The following NHSL2 variants were observed in gnomAD, a reference collection of about 807,000 sequenced individuals.
The protein encoded by NHSL2 is NHS like 2.
A neutral mutation model predicts 53.4 loss-of-function variants in NHSL2; 27 were observed. The ratio of observed to expected loss-of-function variants is 0.51; its 90% CI spans 0.37 to 0.70. NHSL2 has a LOEUF of 0.70. Among genes scored for constraint, NHSL2 ranks in the 30% least tolerant of loss-of-function variants. NHSL2 has a pLI of 0.00. For synonymous variants in NHSL2, 408 were observed against 404.1 expected (o/e 1.01, Z -0.12); for missense variants, 892 against 980.1 (o/e 0.91, Z 1.20).
At chrX:72,067,449 G>C (rs906956831) in intron 1 of NHSL2, among the ~76,000 whole-genome samples, 4 of 111,410 alleles carry the variant, frequency 3.6e-5, no homozygotes, top group Non-Finnish European at 7.5e-5. Context: ...AGTTGTCATG[G>C]TCCTGTCTTT....
intron 1 of NHSL2, among the ~76,000 whole-genome samples, chrX:72,076,234 AAC>A (rs2041741965): frequency 9.0e-6 from 1 of 111,304 alleles, no homozygotes; most frequent in Non-Finnish European, 1.9e-5. Flanking sequence ...AGCCCAGCCG[AAC>A]ACAGTGTATA....
At chrX:71,978,701 G>A (rs1337511918) in intron 1 of NHSL2, among the ~76,000 whole-genome samples, 6 of 59,196 alleles carry the variant, frequency 1.0e-4, no homozygotes, top group African/African-American at 3.8e-4. Context: ...TTTTTTTTTT[G>A]AGATGAAATC....
At chrX:71,916,235 T>C (rs2041627399) in intron 1 of NHSL2, among the ~76,000 whole-genome samples, 1 of 111,865 alleles carries the variant, frequency 8.9e-6, no homozygotes, top group South Asian at 3.8e-4. Context: ...TAGTAGAGGC[T>C]GGTTGGCATT....
In NHSL2 at chrX:72,002,335, A is replaced by C. The variant is rs746531556; in HGVS notation, c.280+90968A>C. 1.4e-4 allele frequency among the ~76,000 whole-genome samples: 16 copies of C among 112,550 alleles called. No individual in the cohort carries two copies. The East Asian group carries it at 4.4e-3, about 31-fold the overall frequency. On this transcript the variant is annotated intron_variant, in intron 1 of 7. Transcript: ENST00000633930. ...GTTTCCAGCTATATTACAGTCTCTT[A>C]GAGGAAAGAAACTTTATTTTGAATT...
intron 1 of NHSL2, among the ~76,000 whole-genome samples, chrX:72,084,768 C>T (rs942537946): frequency 1.8e-5 from 2 of 111,727 alleles, no homozygotes; most frequent in African/African-American, 3.3e-5. Context: ...GAGGAGGCAG[C>T]GAGGAGAGAA....
chrX:72,066,205 C>G (rs997821201), intron 1 of NHSL2, among the ~76,000 whole-genome samples: 4 of 111,068 alleles, frequency 3.6e-5, no homozygotes, highest in Admixed American at 9.6e-5. Context: ...GTGAAGTGCT[C>G]CAATTTGAGA....
intron 1 of NHSL2, among the ~76,000 whole-genome samples, chrX:72,014,241 T>G (rs2042126981): frequency 8.9e-6 from 1 of 112,094 alleles, no homozygotes; most frequent in African/African-American, 3.2e-5. Context: ...GAAGCAGCTC[T>G]TTATTTCATT....
At chrX:72,090,012 G>A (rs892257178) in intron 1 of NHSL2, among the ~76,000 whole-genome samples, 2 of 111,344 alleles carry the variant, frequency 1.8e-5, no homozygotes, top group South Asian at 7.5e-4. Flanking sequence ...GCCTGCATGT[G>A]TGTTTGTATT....
intron 1 of NHSL2, among the ~76,000 whole-genome samples, chrX:72,117,381 T>G (rs1369518862): frequency 1.9e-5 from 2 of 105,339 alleles, no homozygotes; most frequent in Non-Finnish European, 3.9e-5. Context: ...AGTATGATAT[T>G]GTGGTATGTT....
intron 1 of NHSL2, among the ~76,000 whole-genome samples, chrX:71,963,046 C>T (rs915821481): frequency 9.1e-6 from 1 of 110,222 alleles, no homozygotes; most frequent in African/African-American, 3.3e-5. Flanking sequence ...AACCAACTGT[C>T]AAGTCATTGA....
In NHSL2 at chrX:72,146,457, C is replaced by G. The variant is rs927137145; in HGVS notation, c.*2883C>G. 4 of 112,260 alleles carry G rather than the reference C, an allele frequency of 3.6e-5. No individual in the cohort carries two copies. Among genetic ancestry groups the G allele is most frequent in the African/African-American group, 1.3e-4 (4 of 30,832 alleles). The allele number at this position is 112,260 out of a possible 1,213,427, so 9.3% of individuals were successfully genotyped here. On this transcript the variant is annotated 3_prime_UTR_variant, in exon 8 of 8. Transcript: ENST00000633930. ...CCCTCTCAGAAAGGCTTGCAGAGAA[C>G]CCACCACTACTACAATTACTAGTAT...
chrX:71,922,234 G>T (rs904466954), intron 1 of NHSL2, among the ~76,000 whole-genome samples: 1 of 112,255 alleles, frequency 8.9e-6, no homozygotes, highest in Admixed American at 9.4e-5. Flanking sequence ...AAAGGAAGAG[G>T]ACTGGGGCAA....
At chrX:72,030,724 T>A (rs1459224777) in intron 1 of NHSL2, among the ~76,000 whole-genome samples, 1 of 112,280 alleles carries the variant, frequency 8.9e-6, no homozygotes, top group Admixed American at 9.4e-5. Context: ...GCCAATTTTG[T>A]GGTATAAATA....
At chrX:72,000,995 C>G (rs1159520657) in intron 1 of NHSL2, among the ~76,000 whole-genome samples, 1 of 111,814 alleles carries the variant, frequency 8.9e-6, no homozygotes, top group Admixed American at 9.5e-5. Flanking sequence ...CCTCACCTGT[C>G]ATTTTAGTGG....
At chrX:72,082,011 C>T (rs771726300) in intron 1 of NHSL2, among the ~76,000 whole-genome samples, 2 of 112,121 alleles carry the variant, frequency 1.8e-5, no homozygotes, top group African/African-American at 6.5e-5. Context: ...GGCCAGGCAT[C>T]GGCCCTAGAG....
chrX:71,936,634 A>C (rs2041739811), intron 1 of NHSL2, among the ~76,000 whole-genome samples: 1 of 111,512 alleles, frequency 9.0e-6, no homozygotes, highest in African/African-American at 3.2e-5. Flanking sequence ...AATACAAACA[A>C]AGAGAAACAA....
chrX:72,091,165 G>C (rs1001876030), intron 1 of NHSL2, among the ~76,000 whole-genome samples: 2 of 112,118 alleles, frequency 1.8e-5, no homozygotes, highest in African/African-American at 3.2e-5. Flanking sequence ...TAAAATTTTT[G>C]ACAGTTAGCC....
At chrX:72,014,982 C>T (rs1446533530) in intron 1 of NHSL2, among the ~76,000 whole-genome samples, 2 of 110,258 alleles carry the variant, frequency 1.8e-5, no homozygotes, top group Non-Finnish European at 3.8e-5. Flanking sequence ...GGGTTGGGAA[C>T]GGGACCACAT....
intron 1 of NHSL2, among the ~76,000 whole-genome samples, chrX:71,954,948 T>G (rs771385805): frequency 1.2e-4 from 14 of 112,427 alleles, no homozygotes; most frequent in Non-Finnish European, 2.4e-4. Context: ...ATGATAAATA[T>G]TCAGGCCCTT....
Sources: allele counts gnomAD v4.1 joint callset (sites outside exome capture counted in the v4.1 genomes callset), GRCh38; gene constraint gnomAD v4.1.1; transcripts MANE v1.5; gene names NCBI Gene and HGNC (gene_info 2026-07-23, HGNC 2026-07-21).